Variants in RBFOX1 observed in about 807,000 individuals in gnomAD.
RBFOX1 encodes RNA binding protein fox-1 homolog 1.
A neutral mutation model predicts 57.7 loss-of-function variants in RBFOX1; 8 were observed. That is an observed-to-expected ratio of 0.14 (90% CI 0.08 to 0.25). RBFOX1 has a LOEUF of 0.25. RBFOX1 is among the 10% of genes least tolerant of loss of function. The pLI, the probability that RBFOX1 is intolerant of heterozygous loss-of-function variation, is 1.00. For missense variants in RBFOX1, 611 were observed against 548.5 expected, an observed-to-expected ratio of 1.11 and a Z score of -1.14; for synonymous variants, 326 against 222.4, an observed-to-expected ratio of 1.47 and a Z score of -4.15.
intron 6 of RBFOX1, among the ~76,000 whole-genome samples, chr16:7,582,719 C>G (rs574962485): frequency 6.6e-6 from 1 of 152,276 alleles, no homozygotes; most frequent in South Asian, 2.1e-4. Flanking sequence ...ATCTTCTTTC[C>G]TTTTGGTGCT....
chr16:5,786,894 G>T (rs1263648085), intron 3 of RBFOX1, among the ~76,000 whole-genome samples: 1 of 152,192 alleles, frequency 6.6e-6, no homozygotes, highest in African/African-American at 2.4e-5. Flanking sequence ...CCAGCACTTT[G>T]GGAGGTCAAG....
At chr16:5,601,357 G>C (rs1331074550), downstream of RBFOX1, 2 of 152,352 alleles carry the variant, frequency 1.3e-5, no homozygotes, top group South Asian at 2.1e-4. Flanking sequence ...ATGGTGGATG[G>C]TGTCTGCCAG....
intron 3 of RBFOX1, among the ~76,000 whole-genome samples, chr16:6,813,490 C>G (rs528908805): frequency 6.6e-6 from 1 of 152,134 alleles, no homozygotes; most frequent in African/African-American, 2.4e-5. Context: ...GGGCCAATGG[C>G]TCTTTCCCCA....
intron 1 of RBFOX1, among the ~76,000 whole-genome samples, chr16:5,408,091 A>T (rs532207180): frequency 1.8e-4 from 27 of 152,290 alleles, no homozygotes; most frequent in African/African-American, 6.5e-4. Context: ...GTAGTGAATT[A>T]TCTTTGATGT....
At chr16:6,076,975 A>G (rs1056087316) in intron 1 of RBFOX1, among the ~76,000 whole-genome samples, 1 of 152,174 alleles carries the variant, frequency 6.6e-6, no homozygotes, top group Non-Finnish European at 1.5e-5. Flanking sequence ...AATCTGGAGG[A>G]TCATCATCCC....
intron 3 of RBFOX1, among the ~76,000 whole-genome samples, chr16:6,957,403 G>A (rs1227807129): frequency 6.6e-6 from 1 of 152,080 alleles, no homozygotes; most frequent in Non-Finnish European, 1.5e-5. Flanking sequence ...CTCACGCTCA[G>A]CCGGTTATTT....
chr16:5,849,000 G>C, intron 3 of RBFOX1, among the ~76,000 whole-genome samples: 1 of 151,796 alleles, frequency 6.6e-6, no homozygotes, highest in South Asian at 2.1e-4. Flanking sequence ...AAAAGTAAGT[G>C]GGGTGAGGGC....
At chr16:6,276,922 C>T (rs1393157197) in intron 1 of RBFOX1, among the ~76,000 whole-genome samples, 3 of 151,960 alleles carry the variant, frequency 2.0e-5, no homozygotes, top group Non-Finnish European at 4.4e-5. Flanking sequence ...CTTAGATCAG[C>T]GCTTGCCACA....
chr16:6,856,562 T>A (rs1199291668), intron 3 of RBFOX1, among the ~76,000 whole-genome samples: 1 of 152,142 alleles, frequency 6.6e-6, no homozygotes, highest in African/African-American at 2.4e-5. Flanking sequence ...AAAGAGTGTT[T>A]CCCATCAGGT....
chr16:5,640,400 A>G (rs576871188), intron 3 of RBFOX1, among the ~76,000 whole-genome samples: 2 of 152,236 alleles, frequency 1.3e-5, no homozygotes, highest in South Asian at 2.1e-4. Context: ...ATGCATGCAC[A>G]TATACACATG....
At chr16:6,596,108 C>G (rs1185803535) in intron 2 of RBFOX1, among the ~76,000 whole-genome samples, 1 of 151,976 alleles carries the variant, frequency 6.6e-6, no homozygotes, top group Non-Finnish European at 1.5e-5. Context: ...TTGTCAGCAG[C>G]ACAATTAAAA....
At chr16:6,090,289 C>T (rs1316090952) in intron 1 of RBFOX1, among the ~76,000 whole-genome samples, 1 of 152,140 alleles carries the variant, frequency 6.6e-6, no homozygotes, top group East Asian at 1.9e-4. Context: ...TTTAATTCCA[C>T]CTATTCCCTT....
At chr16:6,697,752 A>G (rs576549236) in intron 3 of RBFOX1, among the ~76,000 whole-genome samples, 53 of 152,304 alleles carry the variant, frequency 3.5e-4, no homozygotes, top group African/African-American at 1.2e-3. Flanking sequence ...AAGGAAGGAA[A>G]ACAGATACTG....
chr16:5,686,603 G>T (rs2041250), intron 3 of RBFOX1, among the ~76,000 whole-genome samples: 87,220 of 151,892 alleles, frequency 0.57, 28,536 homozygotes, highest in Non-Finnish European at 0.74. Context: ...TCTGGTGTTT[G>T]ACTACTGCCT....
At chr16:7,379,154 C>T (rs958477272) in intron 4 of RBFOX1, among the ~76,000 whole-genome samples, 6 of 152,090 alleles carry the variant, frequency 3.9e-5, no homozygotes, top group African/African-American at 4.8e-5. Context: ...GTGGGGATAG[C>T]AGTAAACTCT....
chr16:5,866,916 T>G (rs2057356005), intron 3 of RBFOX1, among the ~76,000 whole-genome samples: 1 of 152,202 alleles, frequency 6.6e-6, no homozygotes, highest in African/African-American at 2.4e-5. Flanking sequence ...TAACACTGAC[T>G]TGAAACTTTA....
intron 1 of RBFOX1, among the ~76,000 whole-genome samples, chr16:6,191,496 C>T (rs1200980018): frequency 6.6e-6 from 1 of 152,086 alleles, no homozygotes; most frequent in Non-Finnish European, 1.5e-5. Flanking sequence ...TTACCATGCC[C>T]CACTTTACAA....
rs74004476 is a variant in RBFOX1, at chr16:5,674,020, T to A, written c.318+75059T>A. ...CTGTGTGTGACAGGGACTATGCCAG[T>A]TGCTTTATAAATACCATGTTGCCAT... On this transcript the variant is annotated intron_variant, in intron 3 of 19. Coordinates refer to the RBFOX1 transcript ENST00000641259. Among the ~76,000 whole-genome samples, 135 of 152,296 alleles carry A rather than the reference T, an allele frequency of 8.9e-4. 1 individual carries two copies. The highest frequency in any genetic ancestry group is 3.1e-3 in the African/African-American group (128 of 41,560).
rs1232740918 is a variant in RBFOX1, at chr16:5,824,016, A to T, written c.319-43287A>T. On this transcript the variant is annotated intron_variant, in intron 3 of 19. Coordinates refer to the RBFOX1 transcript ENST00000641259. ...ACCACTGATCTATGGTATAAGAGTT[A>T]AGGACAAGGCCCTGTAGCCAGATGG... is the stretch of plus-strand genomic sequence containing the variant. Among the ~76,000 whole-genome samples, 4 of 152,244 alleles carry T rather than the reference A, an allele frequency of 2.6e-5. No homozygotes were observed. In the East Asian group the frequency reaches 5.8e-4, roughly 22 times the overall value.
Sources: gnomAD v4.1 joint callset for allele counts (sites outside exome capture counted in the v4.1 genomes callset) on GRCh38, gnomAD v4.1.1 for gene constraint, MANE v1.5 for transcripts, NCBI Gene and HGNC (gene_info 2026-07-23, HGNC 2026-07-21) for gene names.